Variants in FAM13B observed in about 807,000 individuals in gnomAD.
The protein encoded by FAM13B is family with sequence similarity 13 member B, also known as protein FAM13B.
In FAM13B, 60 loss-of-function variants were observed where a neutral mutation model predicts 117.3. The observed-to-expected ratio is 0.51, with a 90% CI of 0.42 to 0.63. The LOEUF is 0.63. Ranked by LOEUF, FAM13B falls within the 30% of genes least tolerant of loss-of-function variation. The pLI is 0.00. For missense variants in FAM13B, 972 were observed against 1,091.9 expected (o/e 0.89, Z 1.55); for synonymous variants, 332 against 356.1 (o/e 0.93, Z 0.76).
chr5:138,044,891 C>G (rs115351815), intron 1 of FAM13B, among the ~76,000 whole-genome samples: 3,488 of 152,224 alleles, frequency 0.023, 63 homozygotes, highest in Non-Finnish European at 0.031. Flanking sequence ...AATACTCAAC[C>G]ACATTAGTAA....
intron 20 of FAM13B, among the ~76,000 whole-genome samples, chr5:137,944,775 A>C (rs67888066): frequency 5.3e-5 from 6 of 113,284 alleles, no homozygotes; most frequent in South Asian, 6.5e-4. Flanking sequence ...AAAAAAAAAA[A>C]AAACAAAATC....
chr5:138,025,313 A>ATATATATATATTTT (rs1788041739), intron 1 of FAM13B, among the ~76,000 whole-genome samples: 1 of 111,198 alleles, frequency 9.0e-6, no homozygotes, highest in Non-Finnish European at 1.8e-5. Flanking sequence ...ATATATATGT[A>ATATATATATATTTT]TTTTTTTTTT....
At chr5:138,034,866 G>T (rs1446246591), upstream of FAM13B, among the ~76,000 whole-genome samples, 2 of 152,014 alleles carry the variant, frequency 1.3e-5, no homozygotes, top group East Asian at 3.9e-4. Context: ...TCCGAAGAGA[G>T]TTAAAAACCT....
At chr5:138,010,229 C>A (rs933151029) in intron 6 of FAM13B, among the ~76,000 whole-genome samples, 3 of 152,196 alleles carry the variant, frequency 2.0e-5, no homozygotes, top group African/African-American at 7.2e-5. Flanking sequence ...GATCCACCCA[C>A]CTCAGCCTCC....
At chr5:137,997,521 A>C (rs960840912) in intron 7 of FAM13B, among the ~76,000 whole-genome samples, 2 of 151,574 alleles carry the variant, frequency 1.3e-5, no homozygotes, top group Admixed American at 6.6e-5. Context: ...AAACATGTGG[A>C]TATAAAACAA....
chr5:138,038,595 A>G (rs1037308469), intron 1 of FAM13B: 2 of 152,240 alleles, frequency 1.3e-5, no homozygotes, highest in African/African-American at 4.8e-5. Context: ...TGGCTCTTCC[A>G]AGAAATGGAG....
At chr5:138,048,836 T>G (rs992151744) in intron 1 of FAM13B, among the ~76,000 whole-genome samples, 1 of 152,206 alleles carries the variant, frequency 6.6e-6, no homozygotes, top group African/African-American at 2.4e-5. Context: ...AAATATAGCA[T>G]CATTGTACCC....
intron 4 of FAM13B, among the ~76,000 whole-genome samples, chr5:138,014,949 C>T (rs2150937569): frequency 6.6e-6 from 1 of 152,148 alleles, no homozygotes; most frequent in East Asian, 1.9e-4. Flanking sequence ...AGAGAAGTTT[C>T]CCCTAACAAT....
In FAM13B at chr5:137,953,213, G is replaced by A. The variant is rs1315263265; in HGVS notation, c.1848+123C>T. 4.8e-6 allele frequency: 5 copies of A among 1,044,186 alleles called. No homozygotes were observed. In the South Asian group the frequency reaches 4.9e-5, roughly 10 times the overall value. 64.7% of individuals were successfully genotyped at this position (1,044,186 alleles called of 1,614,324 possible). ...ATAATCTCAGATCTACATGATCACT[G>A]TTCCTCCGGGTATCTCAGATTTGTT... On this transcript the variant is annotated intron_variant, in intron 16 of 23. Coordinates refer to ENST00000689681, the MANE Select transcript of FAM13B (RefSeq NM_001385994.1).
intron 4 of FAM13B, 107 bp downstream of exon 4, chr5:138,018,195 T>A: frequency 5.2e-6 from 5 of 967,786 alleles, no homozygotes; most frequent in Non-Finnish European, 7.6e-6. Flanking sequence ...AATAACAAAT[T>A]AATCTCTAAA....
intron 1 of FAM13B, among the ~76,000 whole-genome samples, chr5:138,022,040 G>A (rs1786867063): frequency 6.6e-6 from 1 of 151,514 alleles, no homozygotes; most frequent in African/African-American, 2.4e-5. Flanking sequence ...CTTCTGCCAG[G>A]AGGTGGAGGC....
intron 10 of FAM13B, among the ~76,000 whole-genome samples, chr5:137,974,516 G>C (rs1451695522): frequency 2.1e-5 from 3 of 146,208 alleles, no homozygotes; most frequent in African/African-American, 7.6e-5. Context: ...GCTAGATGAC[G>C]AGTTAGTGGG....
At position 137,962,346 on chromosome 5, in the gene FAM13B, A is replaced by C. The variant is rs1039699244; in HGVS notation, c.1244+59T>G. 4.0e-6 allele frequency: 6 copies of C among 1,488,592 alleles called. No individual in the cohort carries two copies. The African/African-American group carries it at 7.0e-5, about 17-fold the overall frequency. The allele number at this position is 1,488,592 out of a possible 1,614,324, so 92.2% of individuals were successfully genotyped here. ...ATTCATCTAAAAAAATCACCTCAAA[A>C]ATCTGTGAAGAGCTCCAATTCTCAA... On this transcript the variant is annotated intron_variant, in intron 11 of 23. Coordinates refer to ENST00000689681, the MANE Select transcript of FAM13B (RefSeq NM_001385994.1).
chr5:137,952,127 ACT>A (rs1246048966), intron 17 of FAM13B, among the ~76,000 whole-genome samples: 4 of 152,220 alleles, frequency 2.6e-5, no homozygotes, highest in African/African-American at 9.7e-5. Context: ...AACTAAATAT[ACT>A]TCAACAATTA....
chr5:137,949,042 T>C lies in FAM13B; in HGVS notation c.2073A>G (p.Lys691=). 1 of 1,614,086 alleles carries C rather than the reference T, an allele frequency of 6.2e-7. No individual in the cohort carries two copies. The highest frequency in any genetic ancestry group is 8.5e-7 in the Non-Finnish European group (1 of 1,180,028). Residue 691 remains lysine, a synonymous_variant, in exon 18 of 24, where the codon AAA becomes AAG. Coordinates refer to ENST00000689681, the MANE Select transcript of FAM13B (RefSeq NM_001385994.1). ...CAAGGGTTGCTTCTTTAGATGGTTT[T>C]TTCTCCTTCTGAATGACCTTGGGTT... ...EDEPKVIQKE[K]KPSKEATLEL...
intron 15 of FAM13B, 75 bp from the exon 16 acceptor site, chr5:137,953,540 C>T (rs1295083002): frequency 7.0e-7 from 1 of 1,430,932 alleles, no homozygotes; most frequent in Admixed American, 1.9e-5. Context: ...CCTGACATGG[C>T]ACTATTAGCA....
chr5:137,971,033 T>C (rs1771953403), intron 10 of FAM13B, among the ~76,000 whole-genome samples: 1 of 151,788 alleles, frequency 6.6e-6, no homozygotes, highest in African/African-American at 2.4e-5. Context: ...CACCCCACTG[T>C]CAACATTAGA....
chr5:137,945,433 T>C (rs1047975636), intron 20 of FAM13B, among the ~76,000 whole-genome samples: 1 of 152,170 alleles, frequency 6.6e-6, no homozygotes, highest in Non-Finnish European at 1.5e-5. Flanking sequence ...AAGATTAACT[T>C]ATTTTAAAAG....
intron 7 of FAM13B, among the ~76,000 whole-genome samples, chr5:137,990,247 A>G (rs1413106932): frequency 1.3e-5 from 2 of 152,042 alleles, no homozygotes; most frequent in African/African-American, 4.8e-5. Flanking sequence ...AGAAATATTC[A>G]TTTTATTTTT....
Sources: gnomAD v4.1 joint callset for allele counts (sites outside exome capture counted in the v4.1 genomes callset) on GRCh38, gnomAD v4.1.1 for gene constraint, MANE v1.5 for transcripts, NCBI Gene and HGNC (gene_info 2026-07-23, HGNC 2026-07-21) for gene names.